NETO1: variants seen among roughly 807,000 people sequenced by gnomAD.
The protein encoded by NETO1 is neuropilin and tolloid like 1.
In NETO1, 26 loss-of-function variants were observed where a neutral mutation model predicts 61.3. The ratio of observed to expected loss-of-function variants is 0.42; its 90% CI spans 0.31 to 0.59. The LOEUF is 0.59. Ranked by LOEUF, NETO1 falls within the 20% of genes least tolerant of loss-of-function variation. The pLI is 0.12. For synonymous variants in NETO1, 225 were observed against 225.8 expected (o/e 1.00, Z 0.03); for missense variants, 531 against 662.8 (o/e 0.80, Z 2.18).
At chr18:72,749,673 T>C (rs2070526603) in intron 9 of NETO1, among the ~76,000 whole-genome samples, 2 of 152,170 alleles carry the variant, frequency 1.3e-5, no homozygotes, top group Admixed American at 1.3e-4. Context: ...GGCAATCGTT[T>C]TCAAATATCA....
At chr18:72,792,454 C>G (rs371461453) in intron 6 of NETO1, among the ~76,000 whole-genome samples, 1 of 151,572 alleles carries the variant, frequency 6.6e-6, no homozygotes, top group Non-Finnish European at 1.5e-5. Context: ...AAAAACGGTG[C>G]GGAGGGGCTC....
At chr18:72,847,200 T>TA (rs35744672) in intron 4 of NETO1, among the ~76,000 whole-genome samples, 1 of 152,256 alleles carries the variant, frequency 6.6e-6, no homozygotes, top group Non-Finnish European at 1.5e-5. Context: ...CCTCCTGCTT[T>TA]AAAAAGTCAG....
At position 72,864,830 on chromosome 18, in the gene NETO1, C is replaced by G; in HGVS notation, c.198G>C (p.Arg66=). ...PNYPSKYPPD[R]ECIYIIEAAP... is the part of the protein sequence containing the mutation. ...TACCTTCTATGATGTAGATGCATTC[C>G]CGGTCAGGGGGATACTTGCTGGGAT... The change falls in exon 3 of 11, where the codon CGG becomes CGC. Residue 66 remains arginine, a synonymous_variant. Transcript: ENST00000327305. The G allele has an allele frequency of 1.2e-6, 2 of 1,613,482 alleles. No homozygotes were observed. The highest frequency in any genetic ancestry group is 2.2e-5 in the South Asian group (2 of 90,874).
In NETO1 at chr18:72,750,451, G is replaced by A; in HGVS notation, c.1152C>T (p.Phe384=). The A allele has an allele frequency of 6.2e-7, 1 of 1,614,084 alleles. No individual in the cohort carries two copies. The highest frequency in any genetic ancestry group is 8.5e-7 in the Non-Finnish European group (1 of 1,179,986). ...AATGAGGAGGTTCAAATACCTCCTGGAAAACTGTCTGGTCAAAGTCTGATT... is the reference window on the plus strand; with the variant it reads ...AATGAGGAGGTTCAAATACCTCCTGAAAAACTGTCTGGTCAAAGTCTGATT... ...QRKSDFDQTV[F]QEVFEPPHYE... is the part of the protein sequence containing the mutation. The change falls in exon 9 of 11, where the codon TTC becomes TTT. Residue 384 remains phenylalanine (F), a synonymous_variant. Coordinates refer to ENST00000327305, the MANE Select transcript of NETO1 (RefSeq NM_138966.5).
chr18:72,831,159 G>A (rs932355467), intron 4 of NETO1, among the ~76,000 whole-genome samples: 32 of 151,968 alleles, frequency 2.1e-4, no homozygotes, highest in Admixed American at 6.6e-4. Flanking sequence ...GTCTGTCTTC[G>A]TCCTTCTCGA....
chr18:72,845,997 C>T (rs1441085627), intron 4 of NETO1, among the ~76,000 whole-genome samples: 1 of 152,150 alleles, frequency 6.6e-6, no homozygotes, highest in East Asian at 1.9e-4. Flanking sequence ...AAACTAAATA[C>T]CCTGTCTATT....
intron 7 of NETO1, among the ~76,000 whole-genome samples, chr18:72,773,217 C>T (rs1307293587): frequency 6.6e-6 from 1 of 151,972 alleles, no homozygotes; most frequent in African/African-American, 2.4e-5. Flanking sequence ...AACCACCTGT[C>T]CAAGGAAGCT....
intron 4 of NETO1, among the ~76,000 whole-genome samples, chr18:72,849,514 A>G (rs1029956980): frequency 2.6e-5 from 4 of 152,244 alleles, no homozygotes; most frequent in African/African-American, 9.6e-5. Flanking sequence ...AGTAAGTTTA[A>G]GGCAATATAG....
At chr18:72,853,081 C>T (rs1487514491) in intron 4 of NETO1, among the ~76,000 whole-genome samples, 1 of 152,034 alleles carries the variant, frequency 6.6e-6, no homozygotes. Context: ...GTGATCCACC[C>T]GCCTCAGCCT....
Position 72,834,738 on chromosome 18 carries a change from T to C in NETO1, c.469+24088A>G, listed in dbSNP as rs2073688538. 6 of 984,968 alleles carry C rather than the reference T, an allele frequency of 6.1e-6. No homozygotes were observed. The South Asian group carries it at 1.9e-4, about 31-fold the overall frequency. 61.0% of individuals were successfully genotyped at this position (984,968 alleles called of 1,614,324 possible). A position where few individuals can be genotyped will look rare whatever the true frequency, so the allele number is the denominator to read the frequency against. On this transcript the variant is annotated intron_variant, in intron 4 of 10. Coordinates refer to ENST00000327305, the MANE Select transcript of NETO1 (RefSeq NM_138966.5). ...CTTCAGCTTTTACTGTTTGATTGTT[T>C]GAGCAAAATGTGTTAAATACATGTT...
chr18:72,757,409 A>AC (rs376586822), intron 7 of NETO1, among the ~76,000 whole-genome samples: 1 of 151,394 alleles, frequency 6.6e-6, no homozygotes, highest in Non-Finnish European at 1.5e-5. Flanking sequence ...TTAAAAAAAA[A>AC]CACTCAAATT....
Position 72,772,825 on chromosome 18 carries a change from CTATATATATATATATATATATA to C in NETO1, c.868+10831_868+10852del, listed in dbSNP as rs59339805. Among the ~76,000 whole-genome samples, 359 of 40,838 alleles carry C rather than the reference CTATATATATATATATATATATA, an allele frequency of 8.8e-3. 7 individuals are homozygous for C. Among genetic ancestry groups the C allele is most frequent in the African/African-American group, 0.016 (144 of 9,226 alleles). 26.8% of individuals were successfully genotyped at this position (40,838 alleles called of 152,430 possible). ...TCTCTCTCTCTCTCTCTCTCTCTCT[CTATATATATATATATATATATA>C]TATATATATATATATATATATATAT... On this transcript the variant is annotated intron_variant, in intron 7 of 10. Coordinates refer to ENST00000327305, the MANE Select transcript of NETO1 (RefSeq NM_138966.5).
chr18:72,812,038 C>T (rs1389963297), intron 4 of NETO1, among the ~76,000 whole-genome samples: 2 of 152,152 alleles, frequency 1.3e-5, no homozygotes, highest in Non-Finnish European at 1.5e-5. Context: ...GCCTTAAAAC[C>T]GCAATTGTAA....
intron 4 of NETO1, among the ~76,000 whole-genome samples, chr18:72,833,822 A>G (rs577505213): frequency 1.3e-5 from 2 of 152,306 alleles, no homozygotes; most frequent in South Asian, 4.1e-4. Flanking sequence ...ACTGTGTACA[A>G]CTGAAGACTC....
rs1358032089 is a variant in NETO1, at chr18:72,846,532, A to AAAG, written c.469+12291_469+12293dup. On this transcript the variant is annotated intron_variant, in intron 4 of 10. Transcript: ENST00000327305. ...AAAAAAAAAAAAAAAAAAAAAAAAA[A>AAAG]AAGAAGATGCATAGCCCCTGCTTAT... Among the ~76,000 whole-genome samples, 6 of 149,502 alleles carry AAAG rather than the reference A, an allele frequency of 4.0e-5. No homozygotes were observed. The South Asian group carries it at 6.3e-4, about 16-fold the overall frequency.
chr18:72,834,842 G>C, intron 4 of NETO1: 1 of 979,420 alleles, frequency 1.0e-6, no homozygotes, highest in Non-Finnish European at 1.2e-6. Flanking sequence ...GGAGAGTGGA[G>C]ACTATTATAA....
At chr18:72,770,087 T>C (rs1568184791) in intron 7 of NETO1, among the ~76,000 whole-genome samples, 1 of 152,038 alleles carries the variant, frequency 6.6e-6, no homozygotes, top group Non-Finnish European at 1.5e-5. Context: ...TTTTAACATT[T>C]TGATAGATGA....
chr18:72,759,446 C>T (rs1016112054), intron 7 of NETO1, among the ~76,000 whole-genome samples: 4 of 152,050 alleles, frequency 2.6e-5, no homozygotes, highest in Admixed American at 1.3e-4. Context: ...TTTAATCGCT[C>T]ATAATGGCTT....
At chr18:72,752,473 G>C (rs776039500) in intron 8 of NETO1, among the ~76,000 whole-genome samples, 7 of 152,174 alleles carry the variant, frequency 4.6e-5, no homozygotes, top group Non-Finnish European at 8.8e-5. Context: ...AGCATCAGAG[G>C]CTTCACTAAA....
Sources: gnomAD v4.1 joint callset for allele counts (sites outside exome capture counted in the v4.1 genomes callset) on GRCh38, gnomAD v4.1.1 for gene constraint, MANE v1.5 for transcripts, NCBI Gene and HGNC (gene_info 2026-07-23, HGNC 2026-07-21) for gene names.